SARS2: variants seen among roughly 807,000 people sequenced by gnomAD.
The protein encoded by SARS2 is serine--tRNA ligase, mitochondrial.
SARS2 carries 52 observed loss-of-function variants against 66.8 expected under a neutral mutation model. That is an observed-to-expected ratio of 0.78 (90% CI 0.62 to 0.98). The LOEUF (loss-of-function observed/expected upper bound fraction) is 0.98, where lower values mean the gene tolerates loss of function less well. Among genes scored for constraint, SARS2 ranks in the 50% least tolerant of loss-of-function variants. The pLI is 0.00. For missense variants in SARS2, 673 were observed against 706.3 expected (o/e 0.95, Z 0.53); for synonymous variants, 306 against 281.4 (o/e 1.09, Z -0.87).
intron 7 of SARS2, 69 bp from the exon 8 acceptor site, chr19:38,918,882 A>G: frequency 6.8e-7 from 1 of 1,477,300 alleles, no homozygotes; most frequent in Non-Finnish European, 9.3e-7. Flanking sequence ...GCCCTGAAGA[A>G]GGGGTGCTGC....
At chr19:38,919,945 A>G in intron 6 of SARS2, 78 bp from the exon 7 acceptor site, 1 of 1,417,148 alleles carries the variant, frequency 7.1e-7, no homozygotes. Context: ...CCGGGGGAAG[A>G]GGCCCGGCTG....
intron 1 of SARS2, chr19:38,930,243 G>A: frequency 1.7e-6 from 1 of 585,698 alleles, no homozygotes; most frequent in East Asian, 2.9e-5. Flanking sequence ...TGAAACAAGC[G>A]CATAATGGGT....
chr19:38,918,759 C>G lies in SARS2; in HGVS notation c.807+7G>C. 2 of 1,558,656 alleles carry G rather than the reference C, an allele frequency of 1.3e-6. No homozygotes were observed. Among genetic ancestry groups the G allele is most frequent in the Non-Finnish European group, 1.7e-6 (2 of 1,150,580 alleles). On this transcript the variant is annotated splice_region_variant and intron_variant, in intron 8 of 15. Coordinates refer to ENST00000221431, the MANE Select transcript of SARS2 (RefSeq NM_017827.4). ...GTGGGCGAGGGAAGCGGAGAGGCCT[C>G]ACTCACAAACACTGCTCCGCGGAGA... is the stretch of plus-strand genomic sequence containing the variant.
intron 1 of SARS2, among the ~76,000 whole-genome samples, chr19:38,929,094 G>A (rs145267855): frequency 7.2e-5 from 11 of 152,114 alleles, no homozygotes; most frequent in African/African-American, 2.4e-4. Context: ...GCATGTGCCT[G>A]TAATCCCAGC....
chr19:38,916,395 A>C (rs1022976584), intron 12 of SARS2, 81 bp from the exon 13 acceptor site: 244 of 1,290,026 alleles, frequency 1.9e-4, no homozygotes, highest in Middle Eastern at 1.5e-3. Flanking sequence ...GATGGAAGAG[A>C]AGGCAGCCAA....
intron 12 of SARS2, among the ~76,000 whole-genome samples, chr19:38,917,490 C>T (rs1292475504): frequency 2.0e-5 from 3 of 152,234 alleles, no homozygotes; most frequent in Non-Finnish European, 4.4e-5. Context: ...GGGCCCGGGT[C>T]TCCACTCTGG....
At chr19:38,921,878 T>C (rs749767497) in intron 3 of SARS2, 13 of 1,357,162 alleles carry the variant, frequency 9.6e-6, no homozygotes, top group South Asian at 5.0e-5. Flanking sequence ...GAACGTTCTA[T>C]TGCCTTGGCC....
chr19:38,921,141 C>A (rs552691456), intron 5 of SARS2, among the ~76,000 whole-genome samples: 2 of 152,290 alleles, frequency 1.3e-5, no homozygotes, highest in Admixed American at 1.3e-4. Context: ...CACACTCACA[C>A]ACATACGATA....
rs1974455511 is a variant in SARS2 at position 38,918,333 on chromosome 19, C to A, written c.916+89G>T. ...CCTGGGGCTGCTGAGCTGCTCGGGG[C>A]AGGTGATCCCCCCCAGTGCTCCCTG... On this transcript the variant is annotated intron_variant, in intron 9 of 15. Coordinates refer to ENST00000221431, the MANE Select transcript of SARS2 (RefSeq NM_017827.4). 3.1e-6 allele frequency: 4 copies of A among 1,300,306 alleles called. No individual in the cohort carries two copies. In the African/African-American group the frequency reaches 4.4e-5, roughly 14 times the overall value. 80.5% of individuals were successfully genotyped at this position (1,300,306 alleles called of 1,614,324 possible). A position where few individuals can be genotyped will look rare whatever the true frequency, so the allele number is the denominator to read the frequency against.
intron 2 of SARS2, 43 bp downstream of exon 2, chr19:38,926,162 A>G: frequency 6.7e-7 from 1 of 1,495,328 alleles, no homozygotes; most frequent in Non-Finnish European, 9.2e-7. Flanking sequence ...GTCTAGAGAC[A>G]CCCTCGTGGC....
At chr19:38,930,412 AC>A in intron 1 of SARS2, 57 bp downstream of exon 1, 1 of 1,536,650 alleles carries the variant, frequency 6.5e-7, no homozygotes, top group South Asian at 1.2e-5. Flanking sequence ...CATCTTGCAA[AC>A]CCAATTCTTC....
At position 38,918,519 on chromosome 19, in the gene SARS2, C is replaced by T. The variant is rs1453324798; in HGVS notation, c.819G>A (p.Gly273=). Residue 273 remains glycine (G), a synonymous_variant, in exon 9 of 16, where the codon GGG becomes GGA. Coordinates refer to ENST00000221431, the MANE Select transcript of SARS2 (RefSeq NM_017827.4). The part of the protein sequence containing the change: ...LLRGAVFEGC[G]MTPNANPSQI... ...GGGATGGGTTGGCATTTGGTGTCAT[C>T]CCACAGCCTTCCTGGGGGAGGAGGC... is the stretch of plus-strand genomic sequence containing the variant. 1.2e-5 allele frequency: 20 copies of T among 1,613,748 alleles called. No individual in the cohort carries two copies. Among genetic ancestry groups the T allele is most frequent in the Non-Finnish European group, 1.7e-5 (20 of 1,179,600 alleles).
In SARS2 at chr19:38,915,918, C is replaced by A. The variant is rs1454676646; in HGVS notation, c.1348-12G>T. Reference sequence around the variant, plus strand: ...GCGGTGGCGTTCACCTGTGAGACAGCCATGCTCGGAACTGGCGCCCACCCC... The same window carrying A: ...GCGGTGGCGTTCACCTGTGAGACAGACATGCTCGGAACTGGCGCCCACCCC... On this transcript the variant is annotated splice_polypyrimidine_tract_variant and intron_variant, in intron 14 of 15. Transcript: ENST00000221431. 1 of 1,613,620 alleles carries A rather than the reference C, an allele frequency of 6.2e-7. No individual in the cohort carries two copies. Among genetic ancestry groups the A allele is most frequent in the East Asian group, 2.2e-5 (1 of 44,882 alleles).
At chr19:38,930,248 A>T in intron 1 of SARS2, 1 of 599,604 alleles carries the variant, frequency 1.7e-6, no homozygotes, top group Non-Finnish European at 2.9e-6. Flanking sequence ...CAAGCGCATA[A>T]TGGGTGTCCA....
At position 38,918,324 on chromosome 19, in the gene SARS2, T is replaced by C. The variant is rs374265064; in HGVS notation, c.916+98A>G. Reference sequence around the variant, plus strand: ...CATGTTGGCCCTGGGGCTGCTGAGCTGCTCGGGGCAGGTGATCCCCCCCAG... The same window carrying C: ...CATGTTGGCCCTGGGGCTGCTGAGCCGCTCGGGGCAGGTGATCCCCCCCAG... On this transcript the variant is annotated intron_variant, in intron 9 of 15. Coordinates refer to ENST00000221431, the MANE Select transcript of SARS2 (RefSeq NM_017827.4). 2.6e-4 allele frequency: 325 copies of C among 1,251,950 alleles called. No individual in the cohort carries two copies. In the African/African-American group the frequency reaches 4.3e-3, roughly 16 times the overall value. The allele number at this position is 1,251,950 out of a possible 1,614,324, so 77.6% of individuals were successfully genotyped here.
rs201162486 is a variant in SARS2 at position 38,916,150 on chromosome 19, G to A, written c.1255-21C>T. The A allele has an allele frequency of 2.7e-5, 43 of 1,613,740 alleles. 1 individual carries two copies. In the Admixed American group the frequency reaches 6.0e-4, roughly 23 times the overall value. On this transcript the variant is annotated intron_variant, in intron 13 of 15. Coordinates refer to ENST00000221431, the MANE Select transcript of SARS2 (RefSeq NM_017827.4). ...GTGACCTGGGGTGGAGGAGCGGCAG[G>A]CTGAGCGGATCAGGGATGGGGGGCA...
At position 38,915,850 on chromosome 19, in the gene SARS2, G is replaced by T. The variant is rs369183237; in HGVS notation, c.1404C>A (p.Asn468Lys). The change falls in exon 15 of 16, where the codon AAC becomes AAA. Residue 468 changes from asparagine (N) to lysine (K), a missense_variant. Transcript: ENST00000221431. ...CCCCTCAGCCCCTCACCTTCTGCTG[G>T]TTACTCTCCAGGAGCGCGATGAGAA... The part of the protein sequence containing the change: ...PRLLIALLES[N>K]QQKDGSVLVP... 5.7e-5 allele frequency: 92 copies of T among 1,613,678 alleles called. No homozygotes were observed. The highest frequency in any genetic ancestry group is 3.2e-4 in the Admixed American group (19 of 59,988).
chr19:38,930,364 C>G (rs1411297842), intron 1 of SARS2, 106 bp downstream of exon 1: 2 of 1,421,600 alleles, frequency 1.4e-6, no homozygotes, highest in Non-Finnish European at 1.9e-6. Flanking sequence ...TGGGAAATAA[C>G]TAAAATTCCT....
chr19:38,917,837 G>C lies in SARS2; in HGVS notation c.1051-4C>G, dbSNP rs1417074767. On this transcript the variant is annotated splice_polypyrimidine_tract_variant and splice_region_variant and intron_variant, in intron 11 of 15. Transcript: ENST00000221431. ...CTGTCACCCCAAACATCTCCACCTG[G>C]GACAGAGGGCACAGGAGTCAGGAGG... 1.4e-5 allele frequency: 22 copies of C among 1,612,928 alleles called. No homozygotes were observed. The highest frequency in any genetic ancestry group is 6.7e-5 in the Admixed American group (4 of 60,004).
Sources: allele counts gnomAD v4.1 joint callset (sites outside exome capture counted in the v4.1 genomes callset), GRCh38; gene constraint gnomAD v4.1.1; transcripts MANE v1.5; gene names NCBI Gene and HGNC (gene_info 2026-07-23, HGNC 2026-07-21).